RIGI: variants seen among roughly 807,000 people sequenced by gnomAD.
The protein encoded by RIGI is RNA sensor RIG-I.
the RIGI span, among the ~76,000 whole-genome samples, chr9:32,499,316 G>GTTTTTTTTTT: frequency 2.5e-3 from 145 of 57,654 alleles, no homozygotes; most frequent in African/African-American, 7.1e-3. Flanking sequence ...TTTGTGATTT[G>GTTTTTTTTTT]TTTTTTTTTT....
chr9:32,478,287 C>G, the RIGI span, among the ~76,000 whole-genome samples: 4 of 152,184 alleles, frequency 2.6e-5, no homozygotes. Flanking sequence ...TCAGGTGGCC[C>G]ACCCATCTCA....
the RIGI span, chr9:32,457,479 G>C: frequency 1.0e-6 from 1 of 986,708 alleles, no homozygotes; most frequent in Non-Finnish European, 1.3e-6. Context: ...ACATAATTGT[G>C]ATTTAAAAAA....
At chr9:32,487,388 T>G in the RIGI span, 2 of 1,333,366 alleles carry the variant, frequency 1.5e-6, no homozygotes, top group Non-Finnish European at 1.0e-6. Flanking sequence ...AGGGTCAAAG[T>G]TCAGTATTCG....
At chr9:32,489,803 G>A in the RIGI span, among the ~76,000 whole-genome samples, 2 of 152,134 alleles carry the variant, frequency 1.3e-5, no homozygotes, top group Non-Finnish European at 2.9e-5. Context: ...ATCCTCCCAC[G>A]ATCTTTGAAG....
chr9:32,476,449 G>C, the RIGI span, among the ~76,000 whole-genome samples: 3 of 152,068 alleles, frequency 2.0e-5, no homozygotes, highest in Non-Finnish European at 4.4e-5. Context: ...AGGGTGCAGA[G>C]AGCCATGACT....
At chr9:32,479,706 G>A in the RIGI span, among the ~76,000 whole-genome samples, 13 of 151,744 alleles carry the variant, frequency 8.6e-5, no homozygotes, top group Admixed American at 2.6e-4. Context: ...GTGTGGTGGC[G>A]CACACCTGCA....
At chr9:32,495,429 C>G in the RIGI span, among the ~76,000 whole-genome samples, 2 of 152,070 alleles carry the variant, frequency 1.3e-5, no homozygotes, top group Non-Finnish European at 2.9e-5. Flanking sequence ...TCTTGAACTC[C>G]TGACCTCACG....
At chr9:32,485,112 G>A in the RIGI span, 19 of 1,216,186 alleles carry the variant, frequency 1.6e-5, no homozygotes, top group Middle Eastern at 1.9e-4. Context: ...ACAAAAAGAC[G>A]ATAGTGAACA....
the RIGI span, among the ~76,000 whole-genome samples, chr9:32,465,884 C>T: frequency 6.6e-6 from 1 of 152,184 alleles, no homozygotes; most frequent in Non-Finnish European, 1.5e-5. Flanking sequence ...GCATCCCATT[C>T]CAAGGTGTAT....
the RIGI span, among the ~76,000 whole-genome samples, chr9:32,510,344 T>C: frequency 6.6e-6 from 1 of 152,136 alleles, no homozygotes; most frequent in Non-Finnish European, 1.5e-5. Context: ...GAGAGAAAGG[T>C]TGAGTTACTC....
At chr9:32,488,820 T>A in the RIGI span, 4 of 1,613,384 alleles carry the variant, frequency 2.5e-6, no homozygotes, top group Middle Eastern at 1.7e-4. Context: ...CTTTCCCCTT[T>A]TGTCCTTGTG....
the RIGI span, among the ~76,000 whole-genome samples, chr9:32,464,680 A>G: frequency 3.9e-5 from 6 of 152,292 alleles, no homozygotes; most frequent in African/African-American, 1.4e-4. Flanking sequence ...CCCGGCCTTT[A>G]CTAAGCCTTT....
At chr9:32,480,231 G>A in the RIGI span, 1 of 1,600,738 alleles carries the variant, frequency 6.2e-7, no homozygotes, top group Non-Finnish European at 8.5e-7. Flanking sequence ...TCAAATCTCT[G>A]AGTAAGATCT....
chr9:32,455,930 C>A, the RIGI span: 1 of 152,312 alleles, frequency 6.6e-6, no homozygotes, highest in Non-Finnish European at 1.5e-5. Flanking sequence ...CCACTGCTCA[C>A]CAGATTGCAT....
At chr9:32,467,860 G>GCAAT in the RIGI span, 1 of 1,613,654 alleles carries the variant, frequency 6.2e-7, no homozygotes, top group Non-Finnish European at 8.5e-7. Flanking sequence ...AACTGAGGTG[G>GCAAT]CAATCAGAAT....
the RIGI span, among the ~76,000 whole-genome samples, chr9:32,520,921 G>A: frequency 7.9e-5 from 12 of 151,194 alleles, no homozygotes; most frequent in East Asian, 1.9e-4. Flanking sequence ...CGAGGCAGGC[G>A]GATCAGCTGA....
At chr9:32,487,365 A>G in the RIGI span, 3 of 1,121,598 alleles carry the variant, frequency 2.7e-6, no homozygotes, top group East Asian at 7.2e-5. Context: ...AATATTTTCT[A>G]CTAAACAGAG....
chr9:32,499,565 C>G, the RIGI span, among the ~76,000 whole-genome samples: 7 of 152,006 alleles, frequency 4.6e-5, no homozygotes, highest in Non-Finnish European at 1.0e-4. Context: ...AAGCAATTCT[C>G]CTTCCTCAGC....
chr9:32,458,307 T>C, the RIGI span, among the ~76,000 whole-genome samples: 4 of 152,196 alleles, frequency 2.6e-5, no homozygotes, highest in South Asian at 2.1e-4. Flanking sequence ...TAAGGAGATA[T>C]TTTGTTTTCA....
Sources: allele counts gnomAD v4.1 joint callset (sites outside exome capture counted in the v4.1 genomes callset), GRCh38; gene constraint gnomAD v4.1.1; transcripts MANE v1.5; gene names NCBI Gene and HGNC (gene_info 2026-07-23, HGNC 2026-07-21).